CTCFL: variants seen among roughly 807,000 people sequenced by gnomAD.
CTCFL encodes CCCTC-binding factor like.
In CTCFL, 36 loss-of-function variants were observed where a neutral mutation model predicts 67.4. The ratio of observed to expected loss-of-function variants is 0.53; its 90% CI spans 0.41 to 0.71. The LOEUF (loss-of-function observed/expected upper bound fraction) is 0.71. CTCFL is among the 30% of genes least tolerant of loss of function. The pLI, the probability that CTCFL is intolerant of heterozygous loss-of-function variation, is 0.00. For synonymous variants in CTCFL, 324 were observed against 302.3 expected, an observed-to-expected ratio of 1.07 and a Z score of -0.75; for missense variants, 786 against 835.2, an observed-to-expected ratio of 0.94 and a Z score of 0.73.
At chr20:57,519,581 C>A (rs184942615) in intron 3 of CTCFL, among the ~76,000 whole-genome samples, 8 of 152,292 alleles carry the variant, frequency 5.3e-5, no homozygotes, top group Admixed American at 5.2e-4. Context: ...TCAAGATGGG[C>A]CGATGTCTGT....
intron 8 of CTCFL, among the ~76,000 whole-genome samples, chr20:57,511,941 G>A (rs1259801473): frequency 6.6e-6 from 1 of 152,142 alleles, no homozygotes; most frequent in Admixed American, 6.5e-5. Flanking sequence ...CAATGACTGA[G>A]TAAACAGAAT....
intron 5 of CTCFL, among the ~76,000 whole-genome samples, chr20:57,516,192 A>G (rs2068909522): frequency 7.3e-6 from 1 of 136,312 alleles, no homozygotes; most frequent in South Asian, 2.4e-4. Flanking sequence ...ATTACACTGT[A>G]AAAGCACAAA....
At chr20:57,507,550 C>T (rs1057396603) in intron 9 of CTCFL, 1 of 701,632 alleles carries the variant, frequency 1.4e-6, no homozygotes, top group Admixed American at 2.0e-5. Flanking sequence ...TTCCTACTTG[C>T]ACTCTCTCAC....
intron 1 of CTCFL, chr20:57,524,620 G>A (rs1267753547): frequency 9.8e-7 from 1 of 1,023,642 alleles, no homozygotes. Flanking sequence ...GCAGGCTCTC[G>A]GCCAGTGCAT....
intron 7 of CTCFL, among the ~76,000 whole-genome samples, chr20:57,514,268 G>T (rs192744111): frequency 6.6e-6 from 1 of 152,304 alleles, no homozygotes; most frequent in East Asian, 1.9e-4. Flanking sequence ...TCCCAGGCAG[G>T]TTACTCTATG....
rs539955143 is a variant in CTCFL at position 57,511,748 on chromosome 20, C to T, written c.1491+844G>A. ...CTGGGACTACAGGCGTGTGCCACCACGCCCAACTAATTTTTGTATTTTTTA... is the reference window on the plus strand; with the variant it reads ...CTGGGACTACAGGCGTGTGCCACCATGCCCAACTAATTTTTGTATTTTTTA... On this transcript the variant is annotated intron_variant, in intron 8 of 10. Coordinates refer to ENST00000243914, the MANE Select transcript of CTCFL (RefSeq NM_001386993.1). Among the ~76,000 whole-genome samples the T allele has an allele frequency of 1.8e-4, 27 of 152,168 alleles. 1 individual carries two copies. The South Asian group carries it at 3.7e-3, about 21-fold the overall frequency.
rs1600684960 is a variant in CTCFL at position 57,523,244 on chromosome 20, G to A, written c.578C>T (p.Ala193Val). 1 of 1,613,888 alleles carries A rather than the reference G, an allele frequency of 6.2e-7. No individual in the cohort carries two copies. The highest frequency in any genetic ancestry group is 2.2e-5 in the East Asian group (1 of 44,876). The part of the protein sequence containing the change: ...EEEQEKNQLL[A>V]ERTKEQLFFV... ...AAAGAGCTGCTCCTTTGTTCTTTCA[G>A]CCAATAACTGGTTCTTCTCCTGCTC... Residue 193 changes from alanine to valine, a missense_variant, in exon 3 of 11, where the codon GCT (alanine) becomes GTT (valine). Physicochemically the swap from Ala to Val is moderately conservative, Grantham distance 64. Transcript: ENST00000243914.
chr20:57,515,444 C>T, intron 6 of CTCFL: 1 of 402,066 alleles, frequency 2.5e-6, no homozygotes, highest in Non-Finnish European at 4.6e-6. Context: ...CATGCCTGGC[C>T]AGGAGTTGAG....
chr20:57,498,937 C>T (rs1179231883), intron 10 of CTCFL, among the ~76,000 whole-genome samples: 1 of 152,102 alleles, frequency 6.6e-6, no homozygotes, highest in East Asian at 1.9e-4. Context: ...CTGCTGGGGG[C>T]AGGGCGCTGT....
At position 57,498,262 on chromosome 20, in the gene CTCFL, A is replaced by G. The variant is rs974427071; in HGVS notation, c.*288T>C. The G allele has an allele frequency of 1.0e-5, 11 of 1,066,158 alleles. No individual in the cohort carries two copies. Among genetic ancestry groups the G allele is most frequent in the African/African-American group, 5.0e-5 (3 of 59,636 alleles). 66.0% of individuals were successfully genotyped at this position (1,066,158 alleles called of 1,614,324 possible). A position where few individuals can be genotyped will look rare whatever the true frequency, so the allele number is the denominator to read the frequency against. ...GGTGTTACCCTCTCATTCAAGGTTT[A>G]AAACTTTTATAAAATACCTGCAATG... is the stretch of plus-strand genomic sequence containing the variant. On this transcript the variant is annotated 3_prime_UTR_variant, in exon 11 of 11. Transcript: ENST00000243914.
intron 9 of CTCFL, chr20:57,507,733 G>A (rs1015980010): frequency 7.1e-6 from 5 of 702,870 alleles, no homozygotes; most frequent in Non-Finnish European, 1.3e-5. Flanking sequence ...GCAGCCTCAG[G>A]AGTGGCCCTG....
rs758384575 is a variant in CTCFL, at chr20:57,523,228, C to T, written c.594G>A (p.Glu198=). The T allele has an allele frequency of 1.8e-5, 29 of 1,613,990 alleles. No individual in the cohort carries two copies. The South Asian group carries it at 2.5e-4, about 14-fold the overall frequency. ...KNQLLAERTK[E]QLFFVETMSG... ...ACATTGTTTCCACAAAAAAGAGCTG[C>T]TCCTTTGTTCTTTCAGCCAATAACT... The change falls in exon 3 of 11, where the codon GAG becomes GAA. Residue 198 remains glutamate, a synonymous_variant. Transcript: ENST00000243914.
intron 8 of CTCFL, among the ~76,000 whole-genome samples, chr20:57,509,524 A>G (rs539221952): frequency 5.3e-5 from 8 of 152,052 alleles, no homozygotes; most frequent in Non-Finnish European, 1.0e-4. Flanking sequence ...TAGCCTCCCA[A>G]AGTGCTGGGA....
At chr20:57,507,481 A>C in intron 9 of CTCFL, 1 of 671,202 alleles carries the variant, frequency 1.5e-6, no homozygotes, top group South Asian at 1.6e-5. Context: ...TACAGGTGTG[A>C]GCCCCCACAG....
chr20:57,519,817 A>G (rs906016587), intron 3 of CTCFL, among the ~76,000 whole-genome samples: 1 of 152,204 alleles, frequency 6.6e-6, no homozygotes, highest in Non-Finnish European at 1.5e-5. Context: ...CTCTCTAGCC[A>G]GGGGACTGCA....
In CTCFL at chr20:57,500,085, A is replaced by ATTTTTTTTT. The variant is rs3068009; in HGVS notation, c.1841-1393_1841-1385dup. 36 of 925,212 alleles carry ATTTTTTTTT rather than the reference A, an allele frequency of 3.9e-5. 2 individuals are homozygous for ATTTTTTTTT. Among genetic ancestry groups the ATTTTTTTTT allele is most frequent in the South Asian group, 1.0e-4 (2 of 19,400 alleles). 57.3% of individuals were successfully genotyped at this position (925,212 alleles called of 1,614,324 possible). A position where few individuals can be genotyped will look rare whatever the true frequency, so the allele number is the denominator to read the frequency against. On this transcript the variant is annotated intron_variant, in intron 10 of 10. Transcript: ENST00000243914. ...ATTTTTGTCCATGCTTCCTTGAAGT[A>ATTTTTTTTT]TTTTTTTTTTTTTTTTTTTGGTGGA...
chr20:57,500,947 A>C (rs1256642483), intron 10 of CTCFL, among the ~76,000 whole-genome samples: 2 of 152,170 alleles, frequency 1.3e-5, no homozygotes, highest in Non-Finnish European at 2.9e-5. Flanking sequence ...ATCAGCGGGG[A>C]AGTCACGTTT....
chr20:57,524,702 G>T, intron 1 of CTCFL: 1 of 997,536 alleles, frequency 1.0e-6, no homozygotes, highest in Non-Finnish European at 1.2e-6. Context: ...AGCGAGGTTC[G>T]GGCCCGAGCA....
intron 8 of CTCFL, among the ~76,000 whole-genome samples, chr20:57,510,066 T>C (rs1174007120): frequency 6.6e-6 from 1 of 152,258 alleles, no homozygotes; most frequent in Non-Finnish European, 1.5e-5. Context: ...GTTCAAAATC[T>C]ACCAGAAAAA....
Sources: gnomAD v4.1 joint callset for allele counts (sites outside exome capture counted in the v4.1 genomes callset) on GRCh38, gnomAD v4.1.1 for gene constraint, MANE v1.5 for transcripts, NCBI Gene and HGNC (gene_info 2026-07-23, HGNC 2026-07-21) for gene names.